TNXB: variants seen among roughly 807,000 people sequenced by gnomAD.
TNXB encodes the protein tenascin-X.
In TNXB, 183 loss-of-function variants were observed where a neutral mutation model predicts 340.5. The observed-to-expected ratio is 0.54, with a 90% CI of 0.48 to 0.61. The LOEUF (loss-of-function observed/expected upper bound fraction) is 0.61, where lower values mean the gene tolerates loss of function less well. TNXB is among the 20% of genes least tolerant of loss of function. TNXB has a pLI of 0.00. For synonymous variants in TNXB, 2,121 were observed against 2,314.5 expected (o/e 0.92, Z 2.40); for missense variants, 4,613 against 5,446.4 (o/e 0.85, Z 4.82).
rs1780009036 is a variant in TNXB at position 32,090,067 on chromosome 6, C to T, written c.2359-688G>A. 6.6e-6 allele frequency among the ~76,000 whole-genome samples: 1 copy of T among 152,178 alleles called. No individual in the cohort carries two copies. The highest frequency in any genetic ancestry group is 6.5e-5 in the Admixed American group (1 of 15,284). On this transcript the variant is annotated intron_variant, in intron 4 of 43. Coordinates refer to ENST00000644971, the MANE Select transcript of TNXB (RefSeq NM_001365276.2). The surrounding 1 kb of genome is among the most constrained non-coding windows in gnomAD (Gnocchi z 4.3). ...TTGAGGGACTTTTCTTGTCTCTTCACCCGGGTTGTAGGCTCCTCAAAACAA... is the reference window on the plus strand; with the variant it reads ...TTGAGGGACTTTTCTTGTCTCTTCATCCGGGTTGTAGGCTCCTCAAAACAA...
Position 32,061,257 on chromosome 6 carries a change from G to C in TNXB, c.7492+140C>G, listed in dbSNP as rs1380195569. On this transcript the variant is annotated intron_variant, in intron 21 of 43. Transcript: ENST00000644971. This position sits in a 1 kb window ranked among gnomAD's most constrained non-coding sequence, Gnocchi z 4.4. ...AGTGAACAAGCAAACCGCTAGCATA[G>C]GCCACAGCCACAGGGCACAGAGGGA... 7.5e-7 allele frequency: 1 copy of C among 1,327,440 alleles called. No individual in the cohort carries two copies. The highest frequency in any genetic ancestry group is 1.0e-6 in the Non-Finnish European group (1 of 978,564). 82.2% of individuals were successfully genotyped at this position (1,327,440 alleles called of 1,614,324 possible).
intron 4 of TNXB, among the ~76,000 whole-genome samples, chr6:32,091,317 T>C (rs1398354072): frequency 6.6e-6 from 1 of 151,526 alleles, no homozygotes; most frequent in African/African-American, 2.4e-5. Context: ...TCCATGTTGG[T>C]CAGGCTGGTC....
chr6:32,095,824 C>A lies in TNXB; in HGVS notation c.2029G>T (p.Asp677Tyr). The change falls in exon 3 of 44, where the codon GAC (aspartate) becomes TAC (tyrosine). Residue 677 changes from aspartate (D) to tyrosine (Y), a missense_variant. By Grantham distance (160) the Asp-to-Tyr change is radical. Transcript: ENST00000644971. ...GCTGGAGGCTCTTCCTGCCCGCAGT[C>A]CTCACCGCCATAGCCCACGTGGCAC... is the stretch of plus-strand genomic sequence containing the variant. Reference protein sequence around the residue: ...CLCHVGYGGEDCGQEEPPASA... With the variant: ...CLCHVGYGGEYCGQEEPPASA... 1 of 1,612,454 alleles carries A rather than the reference C, an allele frequency of 6.2e-7. No individual in the cohort carries two copies. Among genetic ancestry groups the A allele is most frequent in the Non-Finnish European group, 8.5e-7 (1 of 1,179,344 alleles).
rs779724516 is a variant in TNXB at position 32,081,654 on chromosome 6, C to T, written c.3756G>A (p.Glu1252=). The T allele has an allele frequency of 1.9e-6, 3 of 1,585,864 alleles. No homozygotes were observed. The African/African-American group carries it at 4.0e-5, about 21-fold the overall frequency. ...GCTCCAGGAACTCAGGGCGGGGGGG[C>T]TCCTCTTTCCTCTCTGGAGCTGTAA... The part of the protein sequence containing the change: ...DGTTAPERKE[E]PPRPEFLEQP... Residue 1252 remains glutamate, a synonymous_variant, in exon 10 of 44, where the codon GAG becomes GAA. Transcript: ENST00000644971. The surrounding 1 kb of genome is among the most constrained non-coding windows in gnomAD (Gnocchi z 5.1).
At chr6:32,077,643 T>C (rs1779151959) in intron 11 of TNXB, among the ~76,000 whole-genome samples, 1 of 152,058 alleles carries the variant, frequency 6.6e-6, no homozygotes, top group Admixed American at 6.6e-5. Flanking sequence ...TCCTGTGTGG[T>C]GGTGGATGTG....
Position 32,069,461 on chromosome 6 carries a change from T to C in TNXB, c.5587+92A>G. Reference sequence around the variant, plus strand: ...ACTTTCTGGATCAATGGAAATGATATAAAATGGGAAGCTCAGAGATCTTAT... The same window carrying C: ...ACTTTCTGGATCAATGGAAATGATACAAAATGGGAAGCTCAGAGATCTTAT... On this transcript the variant is annotated intron_variant, in intron 15 of 43. Coordinates refer to ENST00000644971, the MANE Select transcript of TNXB (RefSeq NM_001365276.2). This position sits in a 1 kb window ranked among gnomAD's most constrained non-coding sequence, Gnocchi z 6.2. 7.2e-7 allele frequency: 1 copy of C among 1,397,458 alleles called. No individual in the cohort carries two copies. Among genetic ancestry groups the C allele is most frequent in the Non-Finnish European group, 9.5e-7 (1 of 1,051,024 alleles). The allele number at this position is 1,397,458 out of a possible 1,614,324, so 86.6% of individuals were successfully genotyped here.
At chr6:32,071,451 C>T (rs2151918330) in intron 13 of TNXB, among the ~76,000 whole-genome samples, 1 of 152,240 alleles carries the variant, frequency 6.6e-6, no homozygotes, top group African/African-American at 2.4e-5. Context: ...CAGGAAGAGG[C>T]CTGTAGGGGC....
rs1776898553 is a variant in TNXB at position 32,046,528 on chromosome 6, G to A, written c.10325-72C>T. The A allele has an allele frequency of 2.9e-6, 4 of 1,381,440 alleles. No individual in the cohort carries two copies. In the Admixed American group the frequency reaches 7.5e-5, roughly 26 times the overall value. 85.6% of individuals were successfully genotyped at this position (1,381,440 alleles called of 1,614,324 possible). On this transcript the variant is annotated intron_variant, in intron 30 of 43. Transcript: ENST00000644971. The surrounding 1 kb of genome is among the most constrained non-coding windows in gnomAD (Gnocchi z 6.9). ...CCTAAGCCCTGGCAGCCTCCCGGAG[G>A]TGTGAGGTTCTGGGAAATGGTCCCT...
At position 32,069,508 on chromosome 6, in the gene TNXB, C is replaced by T; in HGVS notation, c.5587+45G>A. 1 of 1,511,918 alleles carries T rather than the reference C, an allele frequency of 6.6e-7. No individual in the cohort carries two copies. 93.7% of individuals were successfully genotyped at this position (1,511,918 alleles called of 1,614,324 possible). ...TTATGGCTCAGTCAGACCAGGAGAG[C>T]CAGGCGGGAAGGAGGCACAGGTGTT... is the stretch of plus-strand genomic sequence containing the variant. On this transcript the variant is annotated intron_variant, in intron 15 of 43. Coordinates refer to ENST00000644971, the MANE Select transcript of TNXB (RefSeq NM_001365276.2). This position sits in a 1 kb window ranked among gnomAD's most constrained non-coding sequence, Gnocchi z 6.2.
rs776120899 is a variant in TNXB at position 32,081,252 on chromosome 6, C to A, written c.4042+116G>T. ...CAGTGCGGGAGGAAGTGGGTGGAGG[C>A]TTTGGCAAAATGAGCTGAGAAGGCG... On this transcript the variant is annotated intron_variant, in intron 10 of 43. Coordinates refer to ENST00000644971, the MANE Select transcript of TNXB (RefSeq NM_001365276.2). The surrounding 1 kb of genome is among the most constrained non-coding windows in gnomAD (Gnocchi z 5.1). 1.6e-5 allele frequency: 17 copies of A among 1,085,082 alleles called. No homozygotes were observed. Among genetic ancestry groups the A allele is most frequent in the Non-Finnish European group, 2.2e-5 (17 of 765,044 alleles). 67.2% of individuals were successfully genotyped at this position (1,085,082 alleles called of 1,614,324 possible). A position where few individuals can be genotyped will look rare whatever the true frequency, so the allele number is the denominator to read the frequency against.
chr6:32,062,379 G>A lies in TNXB; in HGVS notation c.6946C>T (p.Pro2316Ser). The A allele has an allele frequency of 6.2e-7, 1 of 1,613,442 alleles. No individual in the cohort carries two copies. The highest frequency in any genetic ancestry group is 1.6e-4 in the Middle Eastern group (1 of 6,062). The change falls in exon 20 of 44, where the codon CCT (proline) becomes TCT (serine). Residue 2316 changes from proline to serine, a missense_variant. By Grantham distance (74) the Pro-to-Ser change is moderately conservative. Transcript: ENST00000644971. This position sits in a 1 kb window ranked among gnomAD's most constrained non-coding sequence, Gnocchi z 4.3. ...LEELTVTDAT[P>S]DSLSLSWTVP... is the part of the protein sequence containing the mutation. ...GTCCAGGACAGGCTGAGGGAGTCAG[G>A]GGTCGCATCTGTCACGGTCAGCTCC...
In TNXB at chr6:32,095,078, T is replaced by C. The variant is rs765025354; in HGVS notation, c.2356A>G (p.Thr786Ala). Residue 786 changes from threonine (T) to alanine (A), a missense_variant and splice_region_variant, in exon 4 of 44, where the codon ACG becomes GCG. Thr to Ala is a moderately conservative substitution (Grantham distance 58, BLOSUM62 0). Transcript: ENST00000644971. ...CTGGAGCCTGGCATCTCTCTCACCG[T>C]GGGGATGAACTGAATTTCATAGGCA... ...VDAYEIQFIP[T>A]TEGASPPFTA... 1 of 1,548,148 alleles carries C rather than the reference T, an allele frequency of 6.5e-7. No individual in the cohort carries two copies. The highest frequency in any genetic ancestry group is 1.2e-5 in the South Asian group (1 of 83,346).
chr6:32,071,878 G>T, intron 13 of TNXB, 112 bp downstream of exon 13: 2 of 979,964 alleles, frequency 2.0e-6, no homozygotes, highest in South Asian at 1.8e-5. Context: ...GCCCCATGTG[G>T]CTTTTCAAAT....
At position 32,061,100 on chromosome 6, in the gene TNXB, G is replaced by C. The variant is rs1189876207; in HGVS notation, c.7492+297C>G. On this transcript the variant is annotated intron_variant, in intron 21 of 43. Transcript: ENST00000644971. This position sits in a 1 kb window ranked among gnomAD's most constrained non-coding sequence, Gnocchi z 4.4. Reference sequence around the variant, plus strand: ...TCCTCTTGTGTGCATTTGTGTATGTGGTTATAACAAAGAATGCTGTTATTA... The same window carrying C: ...TCCTCTTGTGTGCATTTGTGTATGTCGTTATAACAAAGAATGCTGTTATTA... Among the ~76,000 whole-genome samples, 2 of 151,882 alleles carry C rather than the reference G, an allele frequency of 1.3e-5. No individual in the cohort carries two copies. Among genetic ancestry groups the C allele is most frequent in the African/African-American group, 2.4e-5 (1 of 41,158 alleles).
rs527606803 is a variant in TNXB, at chr6:32,095,108, C to T, written c.2326G>A (p.Val776Met). 3.7e-5 allele frequency: 57 copies of T among 1,549,346 alleles called. No homozygotes were observed. The South Asian group carries it at 5.0e-4, about 14-fold the overall frequency. Residue 776 changes from valine (V) to methionine (M), a missense_variant, in exon 4 of 44, where the codon GTG becomes ATG. Around this residue, in one of 7 missense-constraint regions of TNXB, gnomAD observed 4,327 missense variants for 4,859.4 expected, o/e 0.89. Coordinates refer to ENST00000644971, the MANE Select transcript of TNXB (RefSeq NM_001365276.2). ...ATGAACTGAATTTCATAGGCATCCA[C>T]GGGGCCAGGAGCCGGGGTCCACTCT... ...RTEWTPAPGP[V>M]DAYEIQFIPT...
chr6:32,104,174 T>C (rs894985997), intron 1 of TNXB, among the ~76,000 whole-genome samples: 16 of 152,220 alleles, frequency 1.1e-4, no homozygotes, highest in African/African-American at 3.9e-4. Flanking sequence ...CAGATGATTG[T>C]AATGTGCAAC....
At position 32,080,917 on chromosome 6, in the gene TNXB, A is replaced by T. The variant is rs1779390031; in HGVS notation, c.4042+451T>A. ...GCTAGAGAAACGTGGTGCTCTTGTC[A>T]CTTGGATCTGCCACCTCTGAACACA... On this transcript the variant is annotated intron_variant, in intron 10 of 43. Coordinates refer to ENST00000644971, the MANE Select transcript of TNXB (RefSeq NM_001365276.2). This position sits in a 1 kb window ranked among gnomAD's most constrained non-coding sequence, Gnocchi z 4.3. 6.6e-6 allele frequency among the ~76,000 whole-genome samples: 1 copy of T among 152,162 alleles called. No individual in the cohort carries two copies. Among genetic ancestry groups the T allele is most frequent in the South Asian group, 2.1e-4 (1 of 4,824 alleles).
chr6:32,101,587 C>CAT (rs1308079893), intron 1 of TNXB, among the ~76,000 whole-genome samples: 162 of 131,908 alleles, frequency 1.2e-3, no homozygotes, highest in African/African-American at 4.7e-3. Context: ...CCGCACCCAG[C>CAT]CTTTTTTTTT....
chr6:32,046,545 A>G lies in TNXB; in HGVS notation c.10325-89T>C. On this transcript the variant is annotated intron_variant, in intron 30 of 43. Coordinates refer to ENST00000644971, the MANE Select transcript of TNXB (RefSeq NM_001365276.2). The surrounding 1 kb of genome is among the most constrained non-coding windows in gnomAD (Gnocchi z 6.9). ...TCCCGGAGGTGTGAGGTTCTGGGAA[A>G]TGGTCCCTCCAGTGTAGCCCCAGGG... The G allele has an allele frequency of 1.6e-6, 2 of 1,232,690 alleles. No homozygotes were observed. Among genetic ancestry groups the G allele is most frequent in the African/African-American group, 1.5e-5 (1 of 66,426 alleles). 76.4% of individuals were successfully genotyped at this position (1,232,690 alleles called of 1,614,324 possible). A position where few individuals can be genotyped will look rare whatever the true frequency, so the allele number is the denominator to read the frequency against.
Sources: gnomAD v4.1 joint callset for allele counts (sites outside exome capture counted in the v4.1 genomes callset) on GRCh38, gnomAD v4.1.1 for gene constraint, gnomAD v4.1.1 regional missense constraint, Gnocchi (gnomAD v3.1) non-coding constraint, MANE v1.5 for transcripts, NCBI Gene and HGNC (gene_info 2026-07-23, HGNC 2026-07-21) for gene names.